Variants in NELL1 observed in about 807,000 individuals in gnomAD.
NELL1 encodes the protein protein kinase C-binding protein NELL1.
In NELL1, 76 loss-of-function variants were observed where a neutral mutation model predicts 107.4. The observed-to-expected ratio is 0.71, with a 90% CI of 0.59 to 0.86. The LOEUF is 0.86. Among genes scored for constraint, NELL1 ranks in the 40% least tolerant of loss-of-function variants. The pLI is 0.00. For missense variants in NELL1, 1,024 were observed against 1,005.5 expected (o/e 1.02, Z -0.25); for synonymous variants, 353 against 341.2 (o/e 1.03, Z -0.38).
chr11:21,489,476 C>A (rs1414216462), intron 15 of NELL1, among the ~76,000 whole-genome samples: 12 of 143,756 alleles, frequency 8.3e-5, no homozygotes, highest in African/African-American at 3.0e-4. Context: ...CAAAACCAGA[C>A]AAGGATACAT....
chr11:21,303,183 G>A lies in NELL1; in HGVS notation c.1550-67670G>A, dbSNP rs180897136. 2.3e-3 allele frequency among the ~76,000 whole-genome samples: 343 copies of A among 152,010 alleles called. 1 individual carries two copies. The highest frequency in any genetic ancestry group is 8.0e-3 in the African/African-American group (332 of 41,496). Reference sequence around the variant, plus strand: ...TAAATAGAAACAAATAAATAACAGTGTAAGACATGGGCCGTTCCCTCAAGG... The same window carrying A: ...TAAATAGAAACAAATAAATAACAGTATAAGACATGGGCCGTTCCCTCAAGG... On this transcript the variant is annotated intron_variant, in intron 14 of 19. Transcript: ENST00000357134.
intron 3 of NELL1, among the ~76,000 whole-genome samples, chr11:20,814,211 G>C (rs1336256425): frequency 1.3e-5 from 2 of 152,120 alleles, no homozygotes; most frequent in Non-Finnish European, 2.9e-5. Flanking sequence ...AGCCAGGATG[G>C]TCTCGATCTC....
At chr11:21,381,456 TC>T (rs1469869797) in intron 15 of NELL1, among the ~76,000 whole-genome samples, 3 of 152,006 alleles carry the variant, frequency 2.0e-5, no homozygotes, top group Non-Finnish European at 4.4e-5. Context: ...ATTACTTACT[TC>T]ATAATTTTAT....
chr11:21,038,356 G>T (rs557184862), intron 12 of NELL1, among the ~76,000 whole-genome samples: 1 of 152,118 alleles, frequency 6.6e-6, no homozygotes, highest in Non-Finnish European at 1.5e-5. Context: ...TGAGTCTATT[G>T]GTTATAACTA....
At chr11:21,158,912 T>C (rs547116753) in intron 13 of NELL1, among the ~76,000 whole-genome samples, 1 of 152,226 alleles carries the variant, frequency 6.6e-6, no homozygotes, top group African/African-American at 2.4e-5. Flanking sequence ...ATTGTAGGAG[T>C]ATTTTTGAGG....
In NELL1 at chr11:20,774,164, CTCCCCTCCCCTCCCA is replaced by C. The variant is rs749929881; in HGVS notation, c.185-9497_185-9483del. On this transcript the variant is annotated intron_variant, in intron 2 of 19. Coordinates refer to ENST00000357134, the MANE Select transcript of NELL1 (RefSeq NM_006157.5). ...TCCCTTCTTTCCTCCATCCCTCCCTCTCCCCTCCCCTCCCATCCCCTCCCCTCCCATCCAGTCCAC... is the reference window on the plus strand; with the variant it reads ...TCCCTTCTTTCCTCCATCCCTCCCTCTCCCCTCCCCTCCCATCCAGTCCAC... 7.2e-3 allele frequency among the ~76,000 whole-genome samples: 575 copies of C among 79,522 alleles called. 10 individuals carry two copies. Among genetic ancestry groups the C allele is most frequent in the Non-Finnish European group, 0.01 (403 of 39,058 alleles). 52.2% of individuals were successfully genotyped at this position (79,522 alleles called of 152,430 possible).
At chr11:20,781,017 G>T (rs1856839845) in intron 2 of NELL1, among the ~76,000 whole-genome samples, 1 of 152,212 alleles carries the variant, frequency 6.6e-6, no homozygotes, top group South Asian at 2.1e-4. Flanking sequence ...CGGACTTAGG[G>T]TTTAAAAAGA....
intron 15 of NELL1, among the ~76,000 whole-genome samples, chr11:21,508,615 C>T (rs1363499924): frequency 6.6e-6 from 1 of 151,922 alleles, no homozygotes; most frequent in Non-Finnish European, 1.5e-5. Context: ...ATTAGCAAAA[C>T]AACCTAAAAT....
At chr11:21,424,956 A>G (rs1187680563) in intron 15 of NELL1, among the ~76,000 whole-genome samples, 1 of 152,238 alleles carries the variant, frequency 6.6e-6, no homozygotes, top group Non-Finnish European at 1.5e-5. Context: ...GAGTACTTTG[A>G]TACCAAAGCC....
Position 21,488,095 on chromosome 11 carries a change from T to C in NELL1, c.1646-46279T>C, listed in dbSNP as rs76207544. Among the ~76,000 whole-genome samples, 3,226 of 152,214 alleles carry C rather than the reference T, an allele frequency of 0.021. 293 individuals are homozygous for C. In the East Asian group the frequency reaches 0.29, roughly 14 times the overall value. ...AGTTCAGAAATACTTTAAAAGCCTA[T>C]TCTCACCATTAGACAGATTCTCTAG... is the stretch of plus-strand genomic sequence containing the variant. On this transcript the variant is annotated intron_variant, in intron 15 of 19. Transcript: ENST00000357134.
At chr11:21,441,497 C>T (rs1853284906) in intron 15 of NELL1, among the ~76,000 whole-genome samples, 1 of 151,750 alleles carries the variant, frequency 6.6e-6, no homozygotes, top group Admixed American at 6.6e-5. Flanking sequence ...AATATTTTCA[C>T]AATATTCTGT....
intron 15 of NELL1, among the ~76,000 whole-genome samples, chr11:21,409,761 C>A (rs1289167651): frequency 6.6e-6 from 1 of 151,858 alleles, no homozygotes; most frequent in Non-Finnish European, 1.5e-5. Flanking sequence ...TCAGATTTTA[C>A]CTTAGGTGAG....
intron 15 of NELL1, among the ~76,000 whole-genome samples, chr11:21,509,273 G>T (rs1427821803): frequency 6.6e-6 from 1 of 152,030 alleles, no homozygotes; most frequent in African/African-American, 2.4e-5. Flanking sequence ...TTTTCGTTGG[G>T]GCATAAATTA....
At chr11:21,360,161 G>A (rs7122485) in intron 14 of NELL1, among the ~76,000 whole-genome samples, 17,434 of 151,976 alleles carry the variant, frequency 0.11, 1,750 homozygotes, top group African/African-American at 0.27. Context: ...TGCTTTTGCT[G>A]TATCCTAGAG....
intron 5 of NELL1, among the ~76,000 whole-genome samples, chr11:20,911,170 C>T (rs1850123680): frequency 6.6e-6 from 1 of 152,126 alleles, no homozygotes; most frequent in Admixed American, 6.5e-5. Context: ...AGCTCAAATA[C>T]CTGGTACAGA....
chr11:21,512,051 G>A lies in NELL1; in HGVS notation c.1646-22323G>A, dbSNP rs557942498. Among the ~76,000 whole-genome samples the A allele has an allele frequency of 3.9e-5, 6 of 152,252 alleles. No individual in the cohort carries two copies. The East Asian group carries it at 1.2e-3, about 29-fold the overall frequency. On this transcript the variant is annotated intron_variant, in intron 15 of 19. Coordinates refer to ENST00000357134, the MANE Select transcript of NELL1 (RefSeq NM_006157.5). ...CTATTTGGTGCCACCTGGTGGCGAT[G>A]GTCCTCAAGCCTCAATGGCATGTTG...
At chr11:20,916,933 G>A (rs184965435) in intron 5 of NELL1, among the ~76,000 whole-genome samples, 1 of 152,024 alleles carries the variant, frequency 6.6e-6, no homozygotes, top group Admixed American at 6.6e-5. Flanking sequence ...GCCTAAGTCT[G>A]TGCAGTTAGC....
intron 15 of NELL1, among the ~76,000 whole-genome samples, chr11:21,450,253 T>C (rs1853544938): frequency 6.6e-6 from 1 of 152,224 alleles, no homozygotes; most frequent in Non-Finnish European, 1.5e-5. Context: ...ATCTGTGTCA[T>C]TCTCTTTTTT....
chr11:20,865,802 T>A (rs1020354640), intron 4 of NELL1, among the ~76,000 whole-genome samples: 2 of 152,176 alleles, frequency 1.3e-5, no homozygotes, highest in African/African-American at 4.8e-5. Flanking sequence ...ATGTACTCCT[T>A]GCCTGTACTT....
Sources: allele counts gnomAD v4.1 joint callset (sites outside exome capture counted in the v4.1 genomes callset), GRCh38; gene constraint gnomAD v4.1.1; transcripts MANE v1.5; gene names NCBI Gene and HGNC (gene_info 2026-07-23, HGNC 2026-07-21).